GRIA4: variants seen among roughly 807,000 people sequenced by gnomAD.
The protein encoded by GRIA4 is glutamate receptor 4.
Under a neutral mutation model 104.0 loss-of-function variants are expected in GRIA4, and 34 were observed. That is an observed-to-expected ratio of 0.33 (90% CI 0.25 to 0.44). GRIA4 has a LOEUF of 0.44. GRIA4 is among the 20% of genes least tolerant of loss of function. The pLI is 1.00. For missense variants in GRIA4, 750 were observed against 1,096.5 expected, an observed-to-expected ratio of 0.68 and a Z score of 4.46; for synonymous variants, 386 against 381.9, an observed-to-expected ratio of 1.01 and a Z score of -0.13.
At chr11:105,775,413 T>C (rs1329196096) in intron 4 of GRIA4, among the ~76,000 whole-genome samples, 1 of 152,154 alleles carries the variant, frequency 6.6e-6, no homozygotes, top group Non-Finnish European at 1.5e-5. Context: ...AGATACTATA[T>C]ATGCTTATTT....
Position 105,905,310 on chromosome 11 carries a change from C to A in GRIA4, c.1158+9C>A, listed in dbSNP as rs370897635. 1.4e-6 allele frequency: 2 copies of A among 1,413,380 alleles called. No homozygotes were observed. The highest frequency in any genetic ancestry group is 2.0e-6 in the Non-Finnish European group (2 of 998,844). The allele number at this position is 1,413,380 out of a possible 1,614,324, so 87.6% of individuals were successfully genotyped here. A position where few individuals can be genotyped will look rare whatever the true frequency, so the allele number is the denominator to read the frequency against. ...GCACAGGACCTAGAAAGGTGAGCCA[C>A]GATCAAACTGAAAAACAGAATTCTC... On this transcript the variant is annotated intron_variant, in intron 9 of 16. Coordinates refer to ENST00000282499, the MANE Select transcript of GRIA4 (RefSeq NM_000829.4).
intron 3 of GRIA4, among the ~76,000 whole-genome samples, chr11:105,643,883 T>C (rs1413080968): frequency 2.0e-5 from 3 of 152,138 alleles, no homozygotes; most frequent in African/African-American, 7.2e-5. Flanking sequence ...CGTGTCTGGC[T>C]AATTTTGGTA....
chr11:105,819,321 C>T (rs916043463), intron 4 of GRIA4, among the ~76,000 whole-genome samples: 19 of 152,152 alleles, frequency 1.2e-4, no homozygotes, highest in Non-Finnish European at 4.4e-5. Context: ...GTTAATATCT[C>T]TGTACCTCCA....
chr11:105,779,883 T>C (rs1214467779), intron 4 of GRIA4, among the ~76,000 whole-genome samples: 1 of 151,906 alleles, frequency 6.6e-6, no homozygotes, highest in African/African-American at 2.4e-5. Flanking sequence ...ATATATAGAT[T>C]ATTATGAAAA....
At chr11:105,889,473 T>C (rs1946387269) in intron 6 of GRIA4, among the ~76,000 whole-genome samples, 1 of 152,172 alleles carries the variant, frequency 6.6e-6, no homozygotes, top group Non-Finnish European at 1.5e-5. Context: ...TAAAGGACTA[T>C]TACTTATAAC....
intron 5 of GRIA4, among the ~76,000 whole-genome samples, chr11:105,864,071 T>C (rs1350733123): frequency 6.6e-6 from 1 of 152,346 alleles, no homozygotes; most frequent in South Asian, 2.1e-4. Flanking sequence ...ATAATAATAA[T>C]AATAGTAAGA....
chr11:105,875,652 G>A (rs1389489817), intron 5 of GRIA4, among the ~76,000 whole-genome samples: 2 of 152,152 alleles, frequency 1.3e-5, no homozygotes, highest in African/African-American at 4.8e-5. Flanking sequence ...GAGGGTGTAT[G>A]TGTCCAGGAA....
intron 14 of GRIA4, among the ~76,000 whole-genome samples, chr11:105,961,489 A>T (rs1948743592): frequency 6.6e-6 from 1 of 152,186 alleles, no homozygotes; most frequent in Non-Finnish European, 1.5e-5. Flanking sequence ...TTAACACTTG[A>T]TATTTAAATT....
At chr11:105,658,497 G>C (rs1197036557) in intron 3 of GRIA4, among the ~76,000 whole-genome samples, 1 of 151,832 alleles carries the variant, frequency 6.6e-6, no homozygotes, top group African/African-American at 2.4e-5. Flanking sequence ...CACTATTCTA[G>C]ATAAAAAGAA....
At chr11:105,945,013 T>C (rs1257468266) in intron 14 of GRIA4, among the ~76,000 whole-genome samples, 2 of 152,202 alleles carry the variant, frequency 1.3e-5, no homozygotes, top group Non-Finnish European at 2.9e-5. Context: ...ATATCAGATT[T>C]AGTATTGCTT....
At chr11:105,762,558 T>C (rs550513528) in intron 4 of GRIA4, among the ~76,000 whole-genome samples, 17 of 152,304 alleles carry the variant, frequency 1.1e-4, no homozygotes, top group South Asian at 2.1e-4. Flanking sequence ...TTTTGTGTCA[T>C]AGATTGATAT....
At chr11:105,629,390 A>G (rs1196159959) in intron 3 of GRIA4, among the ~76,000 whole-genome samples, 1 of 152,062 alleles carries the variant, frequency 6.6e-6, no homozygotes, top group Non-Finnish European at 1.5e-5. Context: ...TAGCTAAATG[A>G]TAAATATTAT....
intron 10 of GRIA4, chr11:105,913,325 A>G (rs1337270791): frequency 1.6e-6 from 1 of 615,546 alleles, no homozygotes; most frequent in South Asian, 7.3e-5. Flanking sequence ...TTTTCTTGTA[A>G]CAGTGTTGTA....
At chr11:105,811,878 C>T (rs1943185145) in intron 4 of GRIA4, among the ~76,000 whole-genome samples, 1 of 152,136 alleles carries the variant, frequency 6.6e-6, no homozygotes, top group South Asian at 2.1e-4. Flanking sequence ...AGTGCTTTCT[C>T]TGGGCTCGAA....
intron 4 of GRIA4, among the ~76,000 whole-genome samples, chr11:105,802,905 CAT>C (rs1359737889): frequency 7.2e-5 from 11 of 151,778 alleles, no homozygotes; most frequent in South Asian, 2.1e-4. Context: ...ATTTTATACA[CAT>C]ATGCACACAT....
intron 3 of GRIA4, among the ~76,000 whole-genome samples, chr11:105,717,312 A>G (rs945997377): frequency 6.6e-6 from 1 of 152,034 alleles, no homozygotes; most frequent in Non-Finnish European, 1.5e-5. Flanking sequence ...TTTGCCCTAA[A>G]AGCATAAAAA....
chr11:105,699,512 T>C (rs541160952), intron 3 of GRIA4, among the ~76,000 whole-genome samples: 85 of 152,360 alleles, frequency 5.6e-4, no homozygotes, highest in African/African-American at 1.9e-3. Context: ...CAGTCCGTTC[T>C]GCCAGAAGAA....
At chr11:105,731,759 C>T (rs1024217629) in intron 3 of GRIA4, among the ~76,000 whole-genome samples, 2 of 152,052 alleles carry the variant, frequency 1.3e-5, no homozygotes, top group African/African-American at 4.8e-5. Context: ...CCATCATTCT[C>T]AGCAAACTAA....
At chr11:105,902,977 T>C (rs1946912817) in intron 7 of GRIA4, among the ~76,000 whole-genome samples, 1 of 152,252 alleles carries the variant, frequency 6.6e-6, no homozygotes, top group Admixed American at 6.5e-5. Flanking sequence ...TGTTGATTTA[T>C]TTTTATATTT....
Sources: gnomAD v4.1 joint callset for allele counts (sites outside exome capture counted in the v4.1 genomes callset) on GRCh38, gnomAD v4.1.1 for gene constraint, MANE v1.5 for transcripts, NCBI Gene and HGNC (gene_info 2026-07-23, HGNC 2026-07-21) for gene names.